The following KCND2 variants were observed in gnomAD, a reference collection of about 807,000 sequenced individuals.
KCND2 encodes the protein potassium voltage-gated channel subfamily D member 2, also known as A-type voltage-gated potassium channel KCND2.
Under a neutral mutation model 54.4 loss-of-function variants are expected in KCND2, and 16 were observed. That is an observed-to-expected ratio of 0.29 (90% confidence interval 0.20 to 0.45). KCND2 has a LOEUF of 0.45. Among genes scored for constraint, KCND2 ranks in the 20% least tolerant of loss-of-function variants. KCND2 has a pLI of 1.00. For synonymous variants in KCND2, 317 were observed against 310.7 expected (o/e 1.02, Z -0.21); for missense variants, 486 against 824.2 (o/e 0.59, Z 5.02).
chr7:120,487,835 C>G (rs1802716438), intron 1 of KCND2, among the ~76,000 whole-genome samples: 1 of 152,164 alleles, frequency 6.6e-6, no homozygotes, highest in African/African-American at 2.4e-5. Context: ...TTTCAAATAA[C>G]ATAGAAGATA....
At chr7:120,683,841 G>A (rs1382702348) in intron 1 of KCND2, among the ~76,000 whole-genome samples, 1 of 152,016 alleles carries the variant, frequency 6.6e-6, no homozygotes, top group Admixed American at 6.6e-5. Context: ...ATGAGAAGTG[G>A]AAATAGCATT....
intron 1 of KCND2, among the ~76,000 whole-genome samples, chr7:120,657,854 A>AG (rs1252809097): frequency 1.3e-5 from 2 of 152,124 alleles, no homozygotes; most frequent in African/African-American, 2.4e-5. Flanking sequence ...TCTCAAAAAA[A>AG]AAAGAGAGAG....
chr7:120,492,717 C>A (rs562938561), intron 1 of KCND2, among the ~76,000 whole-genome samples: 52 of 152,002 alleles, frequency 3.4e-4, no homozygotes, highest in Admixed American at 7.9e-4. Context: ...AATATCATAA[C>A]CTTAACAAGC....
intron 1 of KCND2, among the ~76,000 whole-genome samples, chr7:120,725,558 T>C (rs956977268): frequency 4.6e-5 from 7 of 152,336 alleles, no homozygotes; most frequent in East Asian, 1.9e-4. Context: ...GGAAATACTT[T>C]TCTCGCTCTC....
intron 1 of KCND2, among the ~76,000 whole-genome samples, chr7:120,678,162 C>T (rs1470334410): frequency 6.6e-6 from 1 of 151,564 alleles, no homozygotes; most frequent in Non-Finnish European, 1.5e-5. Flanking sequence ...GATTCTTGAA[C>T]ATAAACTCTG....
chr7:120,502,860 C>T (rs534968615), intron 1 of KCND2, among the ~76,000 whole-genome samples: 13 of 152,054 alleles, frequency 8.5e-5, no homozygotes, highest in Non-Finnish European at 1.5e-4. Context: ...GTGGGAATCG[C>T]TCTTCCTTCT....
chr7:120,334,738 G>T (rs1420917428), intron 1 of KCND2, among the ~76,000 whole-genome samples: 1 of 152,164 alleles, frequency 6.6e-6, no homozygotes, highest in Non-Finnish European at 1.5e-5. Context: ...TAGGGTTACT[G>T]TGTTCAGCAG....
intron 1 of KCND2, among the ~76,000 whole-genome samples, chr7:120,533,771 C>T (rs1335708702): frequency 2.0e-5 from 3 of 152,040 alleles, no homozygotes; most frequent in African/African-American, 4.8e-5. Context: ...TGTGGTCTTT[C>T]AGCCATAATA....
intron 1 of KCND2, among the ~76,000 whole-genome samples, chr7:120,325,623 A>C (rs1352842752): frequency 6.6e-6 from 1 of 151,924 alleles, no homozygotes; most frequent in Non-Finnish European, 1.5e-5. Flanking sequence ...GCGTATATTG[A>C]ACCAGCCTTG....
chr7:120,518,076 G>T (rs903284356), intron 1 of KCND2, among the ~76,000 whole-genome samples: 7 of 151,998 alleles, frequency 4.6e-5, no homozygotes. Flanking sequence ...TGTTAAATAG[G>T]GATCTGTGGC....
intron 1 of KCND2, among the ~76,000 whole-genome samples, chr7:120,677,552 TATAGATATATAG>T (rs1562906448): frequency 5.5e-4 from 76 of 137,896 alleles, no homozygotes; most frequent in African/African-American, 2.1e-3. Context: ...GATATAGATA[TATAGATATATAG>T]ATATATAGAT....
At chr7:120,287,884 G>T (rs1799370250) in intron 1 of KCND2, among the ~76,000 whole-genome samples, 2 of 152,028 alleles carry the variant, frequency 1.3e-5, no homozygotes, top group Non-Finnish European at 2.9e-5. Context: ...ACTAGCTAAA[G>T]TGCTTGTTTT....
intron 1 of KCND2, among the ~76,000 whole-genome samples, chr7:120,688,608 G>C (rs1792232901): frequency 6.6e-6 from 1 of 152,122 alleles, no homozygotes; most frequent in Non-Finnish European, 1.5e-5. Context: ...AAATTAAGCT[G>C]CCACGGATTT....
chr7:120,690,437 G>A (rs1340361570), intron 1 of KCND2, among the ~76,000 whole-genome samples: 1 of 152,168 alleles, frequency 6.6e-6, no homozygotes, highest in Non-Finnish European at 1.5e-5. Flanking sequence ...CCAAACGAGT[G>A]GCATCAGGGC....
At chr7:120,665,491 A>G (rs1365853784) in intron 1 of KCND2, among the ~76,000 whole-genome samples, 2 of 152,026 alleles carry the variant, frequency 1.3e-5, no homozygotes. Flanking sequence ...CCTGTATAGC[A>G]CAAAAACAGA....
intron 1 of KCND2, among the ~76,000 whole-genome samples, chr7:120,665,678 AT>A (rs1287823302): frequency 1.3e-5 from 2 of 152,060 alleles, no homozygotes; most frequent in Non-Finnish European, 2.9e-5. Flanking sequence ...TCTAAAAGAA[AT>A]TGTTAAAGTC....
chr7:120,469,933 G>A (rs181236241), intron 1 of KCND2, among the ~76,000 whole-genome samples: 2 of 152,214 alleles, frequency 1.3e-5, no homozygotes, highest in East Asian at 1.9e-4. Flanking sequence ...GTCACACTTA[G>A]TGTGTTGTTT....
chr7:120,518,893 T>C (rs187056605), intron 1 of KCND2, among the ~76,000 whole-genome samples: 30 of 152,246 alleles, frequency 2.0e-4, no homozygotes, highest in Admixed American at 3.3e-4. Flanking sequence ...GTAGACCCAA[T>C]ATAATCACAT....
At chr7:120,396,296 T>C (rs1801155181) in intron 1 of KCND2, among the ~76,000 whole-genome samples, 1 of 152,018 alleles carries the variant, frequency 6.6e-6, no homozygotes, top group Non-Finnish European at 1.5e-5. Context: ...TGTGAGACTC[T>C]GTAGAACTTC....
Sources: gnomAD v4.1 joint callset for allele counts (sites outside exome capture counted in the v4.1 genomes callset) on GRCh38, gnomAD v4.1.1 for gene constraint, MANE v1.5 for transcripts, NCBI Gene and HGNC (gene_info 2026-07-23, HGNC 2026-07-21) for gene names.